Variants in CHST15 observed in about 807,000 individuals in gnomAD.
CHST15 encodes the protein B cell RAG associated protein (GALNAC4S-6ST).
A neutral mutation model predicts 53.6 loss-of-function variants in CHST15; 30 were observed. That is an observed-to-expected ratio of 0.56 (90% CI 0.42 to 0.76). CHST15 has a LOEUF of 0.76. Among genes scored for constraint, CHST15 ranks in the 30% least tolerant of loss-of-function variants. The pLI, the probability that CHST15 is intolerant of heterozygous loss-of-function variation, is 0.00. For synonymous variants in CHST15, 296 were observed against 289.8 expected (o/e 1.02, Z -0.22); for missense variants, 627 against 740.5 (o/e 0.85, Z 1.78).
At chr10:124,050,768 G>A (rs1034627702) in intron 1 of CHST15, among the ~76,000 whole-genome samples, 1 of 152,148 alleles carries the variant, frequency 6.6e-6, no homozygotes, top group Admixed American at 6.5e-5. Flanking sequence ...GCCCCGTAGA[G>A]AGACGCTGTG....
chr10:124,077,437 G>A (rs759774356), intron 1 of CHST15, among the ~76,000 whole-genome samples: 3 of 152,202 alleles, frequency 2.0e-5, no homozygotes, highest in Non-Finnish European at 4.4e-5. Flanking sequence ...CATCCCCAGA[G>A]TCCAGACCAT....
At chr10:124,031,522 T>C (rs974381703) in intron 5 of CHST15, among the ~76,000 whole-genome samples, 1 of 152,168 alleles carries the variant, frequency 6.6e-6, no homozygotes, top group Non-Finnish European at 1.5e-5. Flanking sequence ...AGAATTTATG[T>C]ATTGAAGCAT....
At chr10:124,015,988 T>A (rs1157275127) in intron 6 of CHST15, among the ~76,000 whole-genome samples, 1 of 152,142 alleles carries the variant, frequency 6.6e-6, no homozygotes, top group East Asian at 1.9e-4. Flanking sequence ...AAACACACCA[T>A]GGCCCCGTAC....
rs1946926132 is a variant in CHST15 at position 124,024,653 on chromosome 10, A to G, written c.1191-3241T>C. 6.6e-6 allele frequency among the ~76,000 whole-genome samples: 1 copy of G among 152,204 alleles called. No homozygotes were observed. Among genetic ancestry groups the G allele is most frequent in the Non-Finnish European group, 1.5e-5 (1 of 68,040 alleles). ...ATCACCTGTGCTATTTTCCTTCTTC[A>G]GAATTAGAAGACACATCAAAACTGA... On this transcript the variant is annotated intron_variant, in intron 5 of 7. Transcript: ENST00000435907. This position sits in a 1 kb window ranked among gnomAD's most constrained non-coding sequence, Gnocchi z 4.0.
intron 1 of CHST15, among the ~76,000 whole-genome samples, chr10:124,053,734 A>G (rs1948284986): frequency 2.6e-5 from 4 of 152,228 alleles, no homozygotes; most frequent in South Asian, 4.1e-4. Flanking sequence ...CTTGGGCAAC[A>G]TGGCAAAACC....
At chr10:124,018,242 T>A (rs1485840520) in intron 6 of CHST15, among the ~76,000 whole-genome samples, 3 of 152,220 alleles carry the variant, frequency 2.0e-5, no homozygotes, top group Admixed American at 1.3e-4. Flanking sequence ...CACACTAAAG[T>A]AGGCAAATCC....
At chr10:124,034,973 CT>C (rs1394111903) in intron 5 of CHST15, among the ~76,000 whole-genome samples, 3 of 129,750 alleles carry the variant, frequency 2.3e-5, no homozygotes, top group Non-Finnish European at 4.9e-5. Context: ...GCTCTACCCC[CT>C]AATAGGGACC....
rs1024827418 is a variant in CHST15 at position 124,040,245 on chromosome 10, C to T, written c.1034-1574G>A. ...TTCCATCCAGCCACCATCCATCCTT[C>T]GTCCATCCAGGAAGCATTAACTTAG... On this transcript the variant is annotated intron_variant, in intron 4 of 7. Transcript: ENST00000435907. Among the ~76,000 whole-genome samples, 7 of 152,330 alleles carry T rather than the reference C, an allele frequency of 4.6e-5. No homozygotes were observed. In the South Asian group the frequency reaches 8.3e-4, roughly 18 times the overall value.
At chr10:124,091,112 ATCT>A (rs1949589799) in intron 1 of CHST15, among the ~76,000 whole-genome samples, 1 of 152,218 alleles carries the variant, frequency 6.6e-6, no homozygotes, top group Non-Finnish European at 1.5e-5. Flanking sequence ...AAGAAAGAAA[ATCT>A]TCTGACAGTT....
intron 4 of CHST15, among the ~76,000 whole-genome samples, chr10:124,040,134 T>C (rs1947681273): frequency 6.6e-6 from 1 of 152,212 alleles, no homozygotes; most frequent in Non-Finnish European, 1.5e-5. Flanking sequence ...ACTCTCTAGC[T>C]AAATTGGCAC....
intron 5 of CHST15, among the ~76,000 whole-genome samples, chr10:124,025,219 T>C (rs1946950140): frequency 6.6e-6 from 1 of 152,186 alleles, no homozygotes; most frequent in South Asian, 2.1e-4. Flanking sequence ...GATCAAGAAG[T>C]AATCCCTAGG....
At chr10:124,031,778 C>T (rs747874734) in intron 5 of CHST15, among the ~76,000 whole-genome samples, 5 of 152,122 alleles carry the variant, frequency 3.3e-5, no homozygotes, top group African/African-American at 1.2e-4. Context: ...CTCTCACTAC[C>T]CTGGAGGTAG....
intron 7 of CHST15, chr10:124,011,181 T>C: frequency 5.8e-6 from 5 of 856,000 alleles, no homozygotes; most frequent in Non-Finnish European, 7.0e-6. Flanking sequence ...AGCTTCTTGG[T>C]GTAACCCATC....
chr10:124,017,955 G>A (rs1226438281), intron 6 of CHST15, among the ~76,000 whole-genome samples: 1 of 152,232 alleles, frequency 6.6e-6, no homozygotes, highest in East Asian at 1.9e-4. Flanking sequence ...GCAGAGAAGG[G>A]AGCCAGGCAA....
chr10:124,011,881 C>T, intron 7 of CHST15: 1 of 983,586 alleles, frequency 1.0e-6, no homozygotes, highest in Non-Finnish European at 1.2e-6. Flanking sequence ...GTCCTCTGCT[C>T]CAGCCCCCCG....
At chr10:124,059,938 C>G (rs1420548944) in intron 1 of CHST15, among the ~76,000 whole-genome samples, 2 of 152,180 alleles carry the variant, frequency 1.3e-5, no homozygotes, top group Non-Finnish European at 2.9e-5. Context: ...GTTTTAGAGC[C>G]AGGCGAGTGG....
chr10:124,020,499 G>A (rs1175829199), intron 6 of CHST15: 4 of 985,428 alleles, frequency 4.1e-6, no homozygotes, highest in East Asian at 1.1e-4. Context: ...GAAAGAGGGG[G>A]CAGAGCCTCT....
chr10:124,066,996 G>A (rs1948770015), intron 1 of CHST15, among the ~76,000 whole-genome samples: 1 of 152,230 alleles, frequency 6.6e-6, no homozygotes, highest in South Asian at 2.1e-4. Flanking sequence ...TGGGGCAGAG[G>A]GGCCATTTGC....
chr10:124,020,543 G>C (rs1382711474), intron 6 of CHST15: 11 of 985,460 alleles, frequency 1.1e-5, no homozygotes, highest in Non-Finnish European at 1.3e-5. Flanking sequence ...GGGCTTCCAA[G>C]ACTCCACAGC....
Sources: gnomAD v4.1 joint callset for allele counts (sites outside exome capture counted in the v4.1 genomes callset) on GRCh38, gnomAD v4.1.1 for gene constraint, Gnocchi (gnomAD v3.1) non-coding constraint, MANE v1.5 for transcripts, NCBI Gene and HGNC (gene_info 2026-07-23, HGNC 2026-07-21) for gene names.